Variants in RPRD2 observed in about 807,000 individuals in gnomAD.
RPRD2 encodes regulation of nuclear pre-mRNA domain-containing protein 2.
A neutral mutation model predicts 104.4 loss-of-function variants in RPRD2; 12 were observed. The ratio of observed to expected loss-of-function variants is 0.11; its 90% CI spans 0.07 to 0.19. The LOEUF (loss-of-function observed/expected upper bound fraction) is 0.19. Among genes scored for constraint, RPRD2 ranks in the 10% least tolerant of loss-of-function variants. The pLI is 1.00. For synonymous variants in RPRD2, 714 were observed against 684.9 expected, an observed-to-expected ratio of 1.04 and a Z score of -0.66; for missense variants, 1,543 against 1,790.1, an observed-to-expected ratio of 0.86 and a Z score of 2.49.
chr1:150,403,627 T>A (rs955914464), intron 1 of RPRD2, among the ~76,000 whole-genome samples: 1 of 152,028 alleles, frequency 6.6e-6, no homozygotes, highest in African/African-American at 2.4e-5. Flanking sequence ...AATATTCCAT[T>A]GTATGCGTCC....
chr1:150,407,443 A>G (rs1553886785), intron 1 of RPRD2, among the ~76,000 whole-genome samples: 2 of 152,206 alleles, frequency 1.3e-5, no homozygotes. Context: ...GGCCTTAGAA[A>G]CTTTTTTGAG....
At chr1:150,460,369 T>C in intron 9 of RPRD2, 52 bp downstream of exon 9, 1 of 1,508,060 alleles carries the variant, frequency 6.6e-7, no homozygotes, top group Non-Finnish European at 9.0e-7. Context: ...CTTTTTAAAT[T>C]GAATCATTAA....
intron 7 of RPRD2, among the ~76,000 whole-genome samples, chr1:150,453,933 C>A (rs11581051): frequency 6.6e-6 from 1 of 151,948 alleles, no homozygotes; most frequent in African/African-American, 2.4e-5. Flanking sequence ...TTTAAGCAAG[C>A]CTTGTTCCAC....
Position 150,457,680 on chromosome 1 carries a change from G to C in RPRD2, c.1153+110G>C, listed in dbSNP as rs1572516050. On this transcript the variant is annotated intron_variant, in intron 8 of 10. Coordinates refer to ENST00000369068, the MANE Select transcript of RPRD2 (RefSeq NM_015203.5). ...AAGATAGTTCATTTCTTAAAAGATA[G>C]AACACCAAGGTAGCATTATAATCTC... 3.3e-6 allele frequency: 3 copies of C among 908,382 alleles called. No individual in the cohort carries two copies. In the East Asian group the frequency reaches 7.2e-5, roughly 22 times the overall value. The allele number at this position is 908,382 out of a possible 1,614,324, so 56.3% of individuals were successfully genotyped here.
At chr1:150,400,134 C>T (rs1662861790) in intron 1 of RPRD2, among the ~76,000 whole-genome samples, 2 of 152,130 alleles carry the variant, frequency 1.3e-5, no homozygotes. Context: ...GTCTTTCATG[C>T]TCTTATAAAT....
chr1:150,378,189 AGTT>A (rs1192154021), intron 1 of RPRD2, among the ~76,000 whole-genome samples: 1 of 142,246 alleles, frequency 7.0e-6, no homozygotes, highest in African/African-American at 2.7e-5. Flanking sequence ...ACATTTACTG[AGTT>A]CTTATGTGAT....
intron 9 of RPRD2, among the ~76,000 whole-genome samples, chr1:150,463,040 G>A (rs1668040502): frequency 6.6e-6 from 1 of 152,072 alleles, no homozygotes; most frequent in African/African-American, 2.4e-5. Context: ...TTTTTTGGTA[G>A]AGACAGTGTC....
At chr1:150,441,223 C>T (rs782480822) in intron 3 of RPRD2, 200 bp downstream of exon 3, 2 of 445,206 alleles carry the variant, frequency 4.5e-6, no homozygotes, top group Non-Finnish European at 7.9e-6. Context: ...GGGATGGGGT[C>T]GGATTTTGTT....
At chr1:150,386,604 C>A (rs1553881867) in intron 1 of RPRD2, among the ~76,000 whole-genome samples, 2 of 152,106 alleles carry the variant, frequency 1.3e-5, no homozygotes, top group South Asian at 2.1e-4. Flanking sequence ...TTCTTTGCTT[C>A]TTTGGAGCAC....
At chr1:150,442,010 G>A in intron 4 of RPRD2, 52 bp downstream of exon 4, 36 of 1,387,402 alleles carry the variant, frequency 2.6e-5, no homozygotes, top group Non-Finnish European at 3.6e-5. Flanking sequence ...TTTTGGAGCA[G>A]AAGAAAATGT....
chr1:150,393,481 A>AT (rs1203218840), intron 1 of RPRD2, among the ~76,000 whole-genome samples: 1 of 150,950 alleles, frequency 6.6e-6, no homozygotes, highest in Non-Finnish European at 1.5e-5. Context: ...AAAAAAACCA[A>AT]TAAAAAAAAC....
chr1:150,441,542 C>A, intron 3 of RPRD2: 1 of 196,780 alleles, frequency 5.1e-6, no homozygotes, highest in East Asian at 1.1e-4. Flanking sequence ...TGATAATCTG[C>A]TACCATGACC....
chr1:150,376,277 T>A (rs1553879438), intron 1 of RPRD2, among the ~76,000 whole-genome samples: 1 of 152,168 alleles, frequency 6.6e-6, no homozygotes, highest in Non-Finnish European at 1.5e-5. Context: ...TATAATTAAT[T>A]TCACTTACTT....
intron 1 of RPRD2, among the ~76,000 whole-genome samples, chr1:150,405,245 T>TA: frequency 6.6e-6 from 1 of 152,330 alleles, no homozygotes; most frequent in Non-Finnish European, 1.5e-5. Flanking sequence ...GGTGGATTGA[T>TA]ACCTTATGAA....
chr1:150,446,465 A>T (rs1553895524), intron 7 of RPRD2, 64 bp downstream of exon 7: 2 of 1,324,388 alleles, frequency 1.5e-6, no homozygotes, highest in East Asian at 2.4e-5. Context: ...GATTGTTAAC[A>T]TGCATTATCT....
intron 2 of RPRD2, among the ~76,000 whole-genome samples, chr1:150,431,006 CAT>C (rs1553891571): frequency 1.3e-5 from 2 of 151,342 alleles, no homozygotes; most frequent in African/African-American, 4.8e-5. Context: ...GAAGCAATAA[CAT>C]ATACTAAATA....
At chr1:150,429,360 G>A (rs1665396706) in intron 2 of RPRD2, among the ~76,000 whole-genome samples, 1 of 151,744 alleles carries the variant, frequency 6.6e-6, no homozygotes, top group Non-Finnish European at 1.5e-5. Context: ...ACAGGTGTGA[G>A]CCACCACACC....
chr1:150,453,299 G>A (rs183972884), intron 7 of RPRD2, among the ~76,000 whole-genome samples: 26 of 152,232 alleles, frequency 1.7e-4, no homozygotes, highest in African/African-American at 6.3e-4. Flanking sequence ...CCAAAGTGCT[G>A]GGATTACAGG....
intron 1 of RPRD2, among the ~76,000 whole-genome samples, chr1:150,405,053 T>C (rs1451331277): frequency 1.3e-5 from 2 of 152,208 alleles, no homozygotes; most frequent in Non-Finnish European, 2.9e-5. Flanking sequence ...TGCTGAGGGT[T>C]GTTTGCAGGA....
Sources: gnomAD v4.1 joint callset for allele counts (sites outside exome capture counted in the v4.1 genomes callset) on GRCh38, gnomAD v4.1.1 for gene constraint, MANE v1.5 for transcripts, NCBI Gene and HGNC (gene_info 2026-07-23, HGNC 2026-07-21) for gene names.